The following CLCA2 variants were observed in gnomAD, a reference collection of about 807,000 sequenced individuals.
CLCA2 encodes the protein calcium-activated chloride channel regulator 2.
Under a neutral mutation model 82.9 loss-of-function variants are expected in CLCA2, and 85 were observed. The ratio of observed to expected loss-of-function variants is 1.03; its 90% CI spans 0.86 to 1.23. The LOEUF (loss-of-function observed/expected upper bound fraction) is 1.23. CLCA2 is among the 50% of genes most tolerant of loss of function. The pLI is 0.00. For synonymous variants in CLCA2, 421 were observed against 391.7 expected (o/e 1.07, Z -0.88); for missense variants, 1,089 against 1,124.8 (o/e 0.97, Z 0.45).
rs746675468 is a variant in CLCA2 at position 86,453,486 on chromosome 1, G to GC, written c.2278dup (p.His760ProfsTer3). 1.2e-6 allele frequency: 2 copies of GC among 1,614,112 alleles called. No individual in the cohort carries two copies. Among genetic ancestry groups the GC allele is most frequent in the Non-Finnish European group, 1.7e-6 (2 of 1,180,006 alleles). On this transcript the variant is annotated frameshift_variant, in exon 13 of 14. Coordinates refer to ENST00000370565, the MANE Select transcript of CLCA2 (RefSeq NM_006536.7). LOFTEE classifies it high-confidence loss of function. ...TTTTCAGTGCTGGGAGTTCCAGCTG[G>GC]CCCCCACCCTGATGTGTTTCCACCA...
At chr1:86,451,092 G>A (rs1412139156) in intron 12 of CLCA2, among the ~76,000 whole-genome samples, 1 of 152,148 alleles carries the variant, frequency 6.6e-6, no homozygotes, top group Non-Finnish European at 1.5e-5. Context: ...GAGGCAAAAA[G>A]TTATTAGCAG....
In CLCA2 at chr1:86,449,850, T is replaced by C. The variant is rs976338458; in HGVS notation, c.1985-713T>C. 7.9e-5 allele frequency among the ~76,000 whole-genome samples: 12 copies of C among 152,180 alleles called. No individual in the cohort carries two copies. In the East Asian group the frequency reaches 1.5e-3, roughly 20 times the overall value. On this transcript the variant is annotated intron_variant, in intron 11 of 13. Coordinates refer to ENST00000370565, the MANE Select transcript of CLCA2 (RefSeq NM_006536.7). ...CCCTGGGGTCTAGGCCTTCCTGCCA[T>C]TGAGTCATGATTTTGGCTTGGAATT...
In CLCA2 at chr1:86,434,048, AT is replaced by A. The variant is rs1485163775; in HGVS notation, c.745-465del. On this transcript the variant is annotated intron_variant, in intron 5 of 13. Transcript: ENST00000370565. The stretch of plus-strand genomic sequence containing the variant: ...ATTTAAGTTGTTTATCCCCTTATCT[AT>A]TTTTACAGAGATCAATATTTGAGGT... Among the ~76,000 whole-genome samples the A allele has an allele frequency of 2.6e-5, 4 of 152,096 alleles. No individual in the cohort carries two copies. In the East Asian group the frequency reaches 7.7e-4, roughly 29 times the overall value.
intron 11 of CLCA2, among the ~76,000 whole-genome samples, chr1:86,449,753 C>T (rs539055922): frequency 6.6e-6 from 1 of 152,256 alleles, no homozygotes; most frequent in South Asian, 2.1e-4. Context: ...AAGCTGCTTG[C>T]CCACTATGGC....
At chr1:86,444,597 T>C (rs1047622341) in intron 10 of CLCA2, among the ~76,000 whole-genome samples, 6 of 152,092 alleles carry the variant, frequency 3.9e-5, no homozygotes, top group African/African-American at 1.4e-4. Flanking sequence ...AAGACTCAGA[T>C]AAAAAGAACA....
chr1:86,430,088 G>A (rs1026732942), intron 3 of CLCA2, among the ~76,000 whole-genome samples: 1 of 147,074 alleles, frequency 6.8e-6, no homozygotes, highest in African/African-American at 2.5e-5. Flanking sequence ...CTGAGTTCCC[G>A]GAACTTAAAA....
chr1:86,425,338 G>T lies in CLCA2; in HGVS notation c.187-1G>T. ...TAAGTTTTTCTTTTGTCTGGCTGTA[G>T]GAAATGATAACTGAAGCTTCATTTT... On this transcript the variant is annotated splice_acceptor_variant, in intron 1 of 13. Transcript: ENST00000370565. LOFTEE classifies it high-confidence loss of function. The T allele has an allele frequency of 6.5e-7, 1 of 1,549,920 alleles. No individual in the cohort carries two copies. The highest frequency in any genetic ancestry group is 1.3e-5 in the South Asian group (1 of 79,124).
At chr1:86,439,188 G>A in intron 7 of CLCA2, 82 bp downstream of exon 7, 2 of 1,308,506 alleles carry the variant, frequency 1.5e-6, no homozygotes, top group East Asian at 2.4e-5. Context: ...CTGATGATGG[G>A]CAGTTTGTTA....
intron 8 of CLCA2, among the ~76,000 whole-genome samples, chr1:86,440,675 C>T (rs1662711730): frequency 6.6e-6 from 1 of 152,054 alleles, no homozygotes; most frequent in Non-Finnish European, 1.5e-5. Flanking sequence ...CTGAGGTGGG[C>T]AGATCGCTTG....
chr1:86,432,603 G>A (rs1662523672), intron 5 of CLCA2, 75 bp downstream of exon 5: 4 of 1,489,746 alleles, frequency 2.7e-6, no homozygotes, highest in African/African-American at 1.4e-5. Flanking sequence ...TAAATTATAA[G>A]ATAATTAAGA....
intron 10 of CLCA2, among the ~76,000 whole-genome samples, chr1:86,444,644 G>A (rs879473465): frequency 2.0e-5 from 3 of 152,162 alleles, no homozygotes; most frequent in Non-Finnish European, 4.4e-5. Flanking sequence ...CAATAGAGTA[G>A]GGTAATCTAT....
At chr1:86,428,737 C>T (rs565617360) in intron 3 of CLCA2, among the ~76,000 whole-genome samples, 169 bp downstream of exon 3, 3 of 152,240 alleles carry the variant, frequency 2.0e-5, no homozygotes, top group African/African-American at 2.4e-5. Context: ...AAAGTGAACT[C>T]GAAAGAGTTT....
chr1:86,450,763 A>G (rs760241222), intron 12 of CLCA2, 30 bp downstream of exon 12: 1 of 1,552,592 alleles, frequency 6.4e-7, no homozygotes, highest in South Asian at 1.3e-5. Flanking sequence ...TTATTTGAGT[A>G]ACATCATTTC....
Position 86,439,088 on chromosome 1 carries a change from G to C in CLCA2, c.1185G>C (p.Gly395=). Reference sequence around the variant, plus strand: ...AAACAGACATCAGCATTTGTTCAGGGCTTAAGAAAGGATTTGAGGTACAGT... The same window carrying C: ...AAACAGACATCAGCATTTGTTCAGGCCTTAAGAAAGGATTTGAGGTACAGT... ...SAKTDISICS[G]LKKGFEVVEK... Residue 395 remains glycine (G), a synonymous_variant, in exon 7 of 14, where the codon GGG becomes GGC. Coordinates refer to ENST00000370565, the MANE Select transcript of CLCA2 (RefSeq NM_006536.7). The C allele has an allele frequency of 6.2e-7, 1 of 1,613,962 alleles. No homozygotes were observed. Among genetic ancestry groups the C allele is most frequent in the Non-Finnish European group, 8.5e-7 (1 of 1,179,906 alleles).
At chr1:86,428,012 T>C (rs1418926265) in intron 2 of CLCA2, among the ~76,000 whole-genome samples, 1 of 152,222 alleles carries the variant, frequency 6.6e-6, no homozygotes, top group Admixed American at 6.5e-5. Flanking sequence ...TGAATGGTTC[T>C]GAACGATGTA....
intron 7 of CLCA2, among the ~76,000 whole-genome samples, chr1:86,439,834 G>C (rs1229706868): frequency 6.6e-6 from 1 of 152,128 alleles, no homozygotes; most frequent in African/African-American, 2.4e-5. Context: ...GAGAACCACT[G>C]CTCTAGGTGG....
At chr1:86,438,089 TGTG>T (rs755559998) in intron 6 of CLCA2, among the ~76,000 whole-genome samples, 122 of 152,246 alleles carry the variant, frequency 8.0e-4, no homozygotes, top group Admixed American at 1.6e-3. Flanking sequence ...GCCAGAAACC[TGTG>T]TCCTAAGAAG....
intron 8 of CLCA2, among the ~76,000 whole-genome samples, 173 bp downstream of exon 8, chr1:86,440,498 T>C (rs1662706752): frequency 6.6e-6 from 1 of 152,186 alleles, no homozygotes; most frequent in Admixed American, 6.5e-5. Context: ...TTTTTTTACA[T>C]TTTCCCTAAA....
chr1:86,426,662 A>G lies in CLCA2; in HGVS notation c.324+1186A>G, dbSNP rs76630872. On this transcript the variant is annotated intron_variant, in intron 2 of 13. Transcript: ENST00000370565. The stretch of plus-strand genomic sequence containing the variant: ...CTTAAAATTAGTTTCTGTGATCACA[A>G]ATTAAAACACTGGGGCTTGAATAAG... Among the ~76,000 whole-genome samples the G allele has an allele frequency of 9.2e-3, 1,403 of 152,268 alleles. 22 individuals are homozygous for G. Among genetic ancestry groups the G allele is most frequent in the African/African-American group, 0.032 (1,339 of 41,546 alleles).
Sources: allele counts gnomAD v4.1 joint callset (sites outside exome capture counted in the v4.1 genomes callset), GRCh38; gene constraint gnomAD v4.1.1; transcripts MANE v1.5; gene names NCBI Gene and HGNC (gene_info 2026-07-23, HGNC 2026-07-21).